Variants in KIR3DL2 observed in about 807,000 individuals in gnomAD.
KIR3DL2 encodes the protein killer cell immunoglobulin like receptor, three Ig domains and long cytoplasmic tail 2.
A neutral mutation model predicts 41.6 loss-of-function variants in KIR3DL2; 42 were observed. The observed-to-expected ratio is 1.01, with a 90% CI of 0.79 to 1.31. KIR3DL2 has a LOEUF of 1.31. Among genes scored for constraint, KIR3DL2 ranks in the 50% most tolerant of loss-of-function variants. The pLI, the probability that KIR3DL2 is intolerant of heterozygous loss-of-function variation, is 0.00. For missense variants in KIR3DL2, 728 were observed against 576.8 expected (o/e 1.26, Z -2.68); for synonymous variants, 230 against 221.3 (o/e 1.04, Z -0.35).
rs1209742571 is a variant in KIR3DL2 at position 54,866,839 on chromosome 19, C to T, written c.*108C>T. ...TAGGGGATCGCTCTTCCTCACACCA[C>T]GAATCTGAACATGCCTCTCTCTTGC... On this transcript the variant is annotated 3_prime_UTR_variant, in exon 9 of 9. Coordinates refer to ENST00000326321, the MANE Select transcript of KIR3DL2 (RefSeq NM_006737.4). 6 of 1,205,100 alleles carry T rather than the reference C, an allele frequency of 5.0e-6. No homozygotes were observed. Among genetic ancestry groups the T allele is most frequent in the East Asian group, 4.7e-5 (2 of 42,788 alleles). 74.7% of individuals were successfully genotyped at this position (1,205,100 alleles called of 1,614,324 possible). A position where few individuals can be genotyped will look rare whatever the true frequency, so the allele number is the denominator to read the frequency against.
chr19:54,862,802 C>CTTTTTTTTTTTT (rs1210198153), intron 6 of KIR3DL2, among the ~76,000 whole-genome samples: 6 of 79,780 alleles, frequency 7.5e-5, no homozygotes, highest in African/African-American at 1.5e-4. Flanking sequence ...TGGGTTACTT[C>CTTTTTTTTTTTT]TTTTTTTTTT....
chr19:54,857,721 T>C (rs2145646240), intron 5 of KIR3DL2, among the ~76,000 whole-genome samples: 1 of 151,668 alleles, frequency 6.6e-6, no homozygotes, highest in Non-Finnish European at 1.5e-5. Context: ...CTAGCTAATT[T>C]TTGTATGTTT....
chr19:54,854,953 G>A (rs2064616056), intron 4 of KIR3DL2, among the ~76,000 whole-genome samples: 1 of 151,516 alleles, frequency 6.6e-6, no homozygotes, highest in Non-Finnish European at 1.5e-5. Context: ...TAGATGGATA[G>A]ATAGATATAG....
chr19:54,852,609 G>C lies in KIR3DL2; in HGVS notation c.355+327G>C, dbSNP rs1248156858. ...GGGCTCAGTGTAATCACAAGGGTCC[G>C]CGTGAGAGGTGGAGGAAGAGGGGAG... On this transcript the variant is annotated intron_variant, in intron 3 of 8. Transcript: ENST00000326321. 4.0e-5 allele frequency among the ~76,000 whole-genome samples: 6 copies of C among 150,630 alleles called. No individual in the cohort carries two copies. In the East Asian group the frequency reaches 1.2e-3, roughly 29 times the overall value.
chr19:54,854,092 T>C (rs2064537713), intron 4 of KIR3DL2, 46 bp downstream of exon 4: 15 of 1,603,530 alleles, frequency 9.4e-6, no homozygotes, highest in Non-Finnish European at 1.3e-5. Context: ...GGACACAGAG[T>C]GAATGATCCA....
rs1477024623 is a variant in KIR3DL2, at chr19:54,851,210, T to C, written c.35-10T>C. Reference sequence around the variant, plus strand: ...GCAGTTGGATCGTCTATCATGATCTTTCTTTCCAGGGTTCTTCTTGCTGCA... The same window carrying C: ...GCAGTTGGATCGTCTATCATGATCTCTCTTTCCAGGGTTCTTCTTGCTGCA... On this transcript the variant is annotated splice_polypyrimidine_tract_variant and intron_variant, in intron 1 of 8. Coordinates refer to ENST00000326321, the MANE Select transcript of KIR3DL2 (RefSeq NM_006737.4). 1 of 1,610,584 alleles carries C rather than the reference T, an allele frequency of 6.2e-7. No individual in the cohort carries two copies. The highest frequency in any genetic ancestry group is 1.3e-5 in the African/African-American group (1 of 74,226).
In KIR3DL2 at chr19:54,855,701, C is replaced by T; in HGVS notation, c.738C>T (p.Ser246=). 1 of 1,613,582 alleles carries T rather than the reference C, an allele frequency of 6.2e-7. No homozygotes were observed. The highest frequency in any genetic ancestry group is 8.5e-7 in the Non-Finnish European group (1 of 1,179,966). The change falls in exon 5 of 9, where the codon TCC becomes TCT. Residue 246 remains serine, a synonymous_variant. Coordinates refer to ENST00000326321, the MANE Select transcript of KIR3DL2 (RefSeq NM_006737.4). ...AGAACGTGACCTTGTCCTGTAGCTC[C>T]TGGAGCTCCTATGACATCTACCATC... is the stretch of plus-strand genomic sequence containing the variant. The part of the protein sequence containing the change: ...AGENVTLSCS[S]WSSYDIYHLS...
Position 54,857,686 on chromosome 19 carries a change from G to A in KIR3DL2, c.950-1393G>A, listed in dbSNP as rs796867057. ...CCTGCCTCAGCCTCCAAAGTAGCTG[G>A]GATTACAGGCATGTGCCACCACGCC... On this transcript the variant is annotated intron_variant, in intron 5 of 8. Transcript: ENST00000326321. Among the ~76,000 whole-genome samples the A allele has an allele frequency of 3.4e-4, 52 of 151,720 alleles. No individual in the cohort carries two copies. In the South Asian group the frequency reaches 9.3e-3, roughly 27 times the overall value.
intron 5 of KIR3DL2, among the ~76,000 whole-genome samples, chr19:54,858,636 G>C (rs994916643): frequency 1.3e-5 from 2 of 151,400 alleles, no homozygotes; most frequent in Non-Finnish European, 2.9e-5. Context: ...TTTGAAGCAA[G>C]AGAATTTCTT....
At chr19:54,857,741 G>A (rs1230342305) in intron 5 of KIR3DL2, among the ~76,000 whole-genome samples, 2 of 151,544 alleles carry the variant, frequency 1.3e-5, no homozygotes, top group African/African-American at 2.4e-5. Context: ...TAGTAGAGAG[G>A]GAGTTTCTCC....
intron 6 of KIR3DL2, among the ~76,000 whole-genome samples, chr19:54,862,802 C>CTTTTTTTTTTTTTTTTTTTTTTTTTTTTT (rs1210198153): frequency 1.3e-5 from 1 of 79,764 alleles, no homozygotes; most frequent in Non-Finnish European, 2.3e-5. Flanking sequence ...TGGGTTACTT[C>CTTTTTTTTTTTTTTTTTTTTTTTTTTTTT]TTTTTTTTTT....
chr19:54,856,668 A>G lies in KIR3DL2; in HGVS notation c.949+756A>G, dbSNP rs1453427187. 2.0e-5 allele frequency among the ~76,000 whole-genome samples: 3 copies of G among 152,006 alleles called. No individual in the cohort carries two copies. The East Asian group carries it at 5.8e-4, about 29-fold the overall frequency. ...CACTGCACTGCAGCCTGGGAGACAG[A>G]GAGAGACTCTGTTTCTAAATAAATA... is the stretch of plus-strand genomic sequence containing the variant. On this transcript the variant is annotated intron_variant, in intron 5 of 8. Transcript: ENST00000326321.
At chr19:54,862,481 A>G (rs1287425786) in intron 6 of KIR3DL2, among the ~76,000 whole-genome samples, 1 of 152,088 alleles carries the variant, frequency 6.6e-6, no homozygotes, top group Admixed American at 6.5e-5. Flanking sequence ...AGGCAGGTTC[A>G]TTACTAACAG....
At chr19:54,864,464 C>T (rs1302214756) in intron 6 of KIR3DL2, among the ~76,000 whole-genome samples, 12 of 152,030 alleles carry the variant, frequency 7.9e-5, no homozygotes, top group African/African-American at 1.4e-4. Context: ...GCCATTTTCA[C>T]GATCTTGATT....
chr19:54,858,915 G>C (rs1383611808), intron 5 of KIR3DL2, among the ~76,000 whole-genome samples, 164 bp from the exon 6 acceptor site: 34 of 151,226 alleles, frequency 2.2e-4, no homozygotes, highest in Non-Finnish European at 4.4e-4. Flanking sequence ...CAAGTCTCAA[G>C]ACAGTGGGCA....
Position 54,859,402 on chromosome 19 carries a change from T to G in KIR3DL2, c.1000+273T>G, listed in dbSNP as rs1364071361. On this transcript the variant is annotated intron_variant, in intron 6 of 8. Transcript: ENST00000326321. ...CCTTCTCAGGAAAAATGCAGTGTTT[T>G]TTCTGCCTGCATTCCTAACTGGAGG... 2.6e-5 allele frequency among the ~76,000 whole-genome samples: 4 copies of G among 152,212 alleles called. No homozygotes were observed. The East Asian group carries it at 7.7e-4, about 29-fold the overall frequency.
At chr19:54,853,518 C>T (rs2064470080) in intron 3 of KIR3DL2, among the ~76,000 whole-genome samples, 1 of 151,626 alleles carries the variant, frequency 6.6e-6, no homozygotes, top group Non-Finnish European at 1.5e-5. Flanking sequence ...ATGAGGCTCT[C>T]TTCACAGTGG....
At chr19:54,855,597 A>C (rs1178741277) in intron 4 of KIR3DL2, 22 bp from the exon 5 acceptor site, 5 of 1,607,966 alleles carry the variant, frequency 3.1e-6, no homozygotes, top group Non-Finnish European at 4.2e-6. Context: ...CTCCCTGAGG[A>C]AACTGCCTCT....
chr19:54,859,029 A>G, intron 5 of KIR3DL2, 50 bp from the exon 6 acceptor site: 2 of 1,568,462 alleles, frequency 1.3e-6, no homozygotes, highest in Non-Finnish European at 8.8e-7. Context: ...TCCATTGAGT[A>G]GAGGACAAGC....
Sources: gnomAD v4.1 joint callset for allele counts (sites outside exome capture counted in the v4.1 genomes callset) on GRCh38, gnomAD v4.1.1 for gene constraint, MANE v1.5 for transcripts, NCBI Gene and HGNC (gene_info 2026-07-23, HGNC 2026-07-21) for gene names.